Variants in CDK6 observed in about 807,000 individuals in gnomAD.
CDK6 encodes the protein cyclin-dependent kinase 6.
Under a neutral mutation model 37.1 loss-of-function variants are expected in CDK6, and 6 were observed. That is an observed-to-expected ratio of 0.16 (90% CI 0.09 to 0.32). The LOEUF is 0.32. CDK6 is among the 10% of genes least tolerant of loss of function. The pLI is 1.00. For missense variants in CDK6, 224 were observed against 418.9 expected (o/e 0.53, Z 4.06); for synonymous variants, 160 against 161.3 (o/e 0.99, Z 0.06).
At chr7:92,664,809 T>C (rs529258011) in intron 5 of CDK6, among the ~76,000 whole-genome samples, 1 of 151,312 alleles carries the variant, frequency 6.6e-6, no homozygotes, top group African/African-American at 2.4e-5. Flanking sequence ...TTTTTGAGAC[T>C]GAGTCTCACT....
At position 92,833,389 on chromosome 7, in the gene CDK6, G is replaced by A. The variant is rs1801545676; in HGVS notation, c.-66C>T. ...CGGGGGGTGCGCTCAACTAGCTGGCGGCCGCCGCTCGCCTACTCCGGGGCT... is the reference window on the plus strand; with the variant it reads ...CGGGGGGTGCGCTCAACTAGCTGGCAGCCGCCGCTCGCCTACTCCGGGGCT... On this transcript the variant is annotated 5_prime_UTR_variant, in exon 2 of 8. Transcript: ENST00000424848. The surrounding 1 kb of genome is among the most constrained non-coding windows in gnomAD (Gnocchi z 6.1). The A allele has an allele frequency of 1.7e-6, 2 of 1,168,278 alleles. No homozygotes were observed. The highest frequency in any genetic ancestry group is 2.4e-6 in the Non-Finnish European group (2 of 845,362). The allele number at this position is 1,168,278 out of a possible 1,614,324, so 72.4% of individuals were successfully genotyped here.
rs556048122 is a variant in CDK6, at chr7:92,763,362, C to T, written c.369+11334G>A. Reference sequence around the variant, plus strand: ...TAGGAATTCTGACCCATTACACTTGCAAGTCTGGTAATGGTTTACTAATTT... The same window carrying T: ...TAGGAATTCTGACCCATTACACTTGTAAGTCTGGTAATGGTTTACTAATTT... On this transcript the variant is annotated intron_variant, in intron 3 of 7. Transcript: ENST00000424848. Among the ~76,000 whole-genome samples, 7 of 152,282 alleles carry T rather than the reference C, an allele frequency of 4.6e-5. No homozygotes were observed. The South Asian group carries it at 1.5e-3, about 32-fold the overall frequency.
intron 3 of CDK6, among the ~76,000 whole-genome samples, chr7:92,748,373 T>A (rs926332205): frequency 6.6e-5 from 10 of 152,206 alleles, no homozygotes; most frequent in African/African-American, 2.4e-4. Flanking sequence ...AAAATCTAGC[T>A]GACATCACTT....
rs1351358575 is a variant in CDK6 at position 92,609,953 on chromosome 7, T to TTC, written c.*5186_*5187insGA. 999 of 230,092 alleles carry TTC rather than the reference T, an allele frequency of 4.3e-3. 10 individuals carry two copies. Among genetic ancestry groups the TTC allele is most frequent in the African/African-American group, 0.021 (951 of 45,316 alleles). 14.3% of individuals were successfully genotyped at this position (230,092 alleles called of 1,614,324 possible). On this transcript the variant is annotated 3_prime_UTR_variant, in exon 8 of 8. Transcript: ENST00000424848. ...AGTAAAATATTGAAGTTACAGAACA[T>TTC]TATAGAGACTATTAATCATCCCAAA...
intron 2 of CDK6, among the ~76,000 whole-genome samples, chr7:92,816,884 T>C (rs1801042817): frequency 6.6e-6 from 1 of 151,804 alleles, no homozygotes; most frequent in South Asian, 2.1e-4. Flanking sequence ...TCACTACATA[T>C]TCTACAGACA....
chr7:92,727,300 G>T (rs1010654290), intron 3 of CDK6, among the ~76,000 whole-genome samples: 1 of 152,166 alleles, frequency 6.6e-6, no homozygotes, highest in Admixed American at 6.5e-5. Flanking sequence ...CTTATCATTG[G>T]CCGGACCACT....
At chr7:92,708,647 T>C (rs1280356566) in intron 4 of CDK6, among the ~76,000 whole-genome samples, 2 of 152,166 alleles carry the variant, frequency 1.3e-5, no homozygotes, top group Non-Finnish European at 2.9e-5. Context: ...AAAAGAAATA[T>C]ATTTTTTAAA....
chr7:92,831,967 CTTATT>C (rs1466721546), intron 2 of CDK6, among the ~76,000 whole-genome samples: 4 of 152,142 alleles, frequency 2.6e-5, no homozygotes, highest in Non-Finnish European at 4.4e-5. Context: ...TTTAGCTGTG[CTTATT>C]TACATCATTT....
At position 92,786,447 on chromosome 7, in the gene CDK6, T is replaced by G. The variant is rs73232052; in HGVS notation, c.234-11616A>C. Among the ~76,000 whole-genome samples, 601 of 152,264 alleles carry G rather than the reference T, an allele frequency of 3.9e-3. 2 individuals are homozygous for G. The highest frequency in any genetic ancestry group is 8.9e-3 in the South Asian group (43 of 4,824). On this transcript the variant is annotated intron_variant, in intron 2 of 7. Coordinates refer to ENST00000424848, the MANE Select transcript of CDK6 (RefSeq NM_001145306.2). ...GAAGAAAATGTTAAACCTTAGTAAC[T>G]TAAAGCAACACAAATGAAAACCTCA...
At chr7:92,798,992 G>C (rs1489559353) in intron 2 of CDK6, among the ~76,000 whole-genome samples, 1 of 152,084 alleles carries the variant, frequency 6.6e-6, no homozygotes, top group Non-Finnish European at 1.5e-5. Context: ...CAATTCATCA[G>C]CTTTTATTCC....
intron 2 of CDK6, among the ~76,000 whole-genome samples, chr7:92,812,466 G>A (rs1800909967): frequency 3.3e-5 from 5 of 150,642 alleles, no homozygotes; most frequent in Admixed American, 3.3e-4. Flanking sequence ...CTCCCAGGTT[G>A]GGGTCAAGTG....
intron 5 of CDK6, among the ~76,000 whole-genome samples, chr7:92,665,304 C>A (rs1032130273): frequency 1.1e-4 from 16 of 151,498 alleles, no homozygotes; most frequent in African/African-American, 2.4e-5. Flanking sequence ...TCCATCCATC[C>A]ATCCAATCTC....
chr7:92,744,831 TGTAA>T (rs1230560467), intron 3 of CDK6, among the ~76,000 whole-genome samples: 3 of 152,190 alleles, frequency 2.0e-5, no homozygotes, highest in Non-Finnish European at 1.5e-5. Flanking sequence ...GTGGAAAGTT[TGTAA>T]GTAAGACAAA....
At position 92,834,720 on chromosome 7, in the gene CDK6, G is replaced by A. The variant is rs1280893336; in HGVS notation, c.-367-1030C>T. ...AAATCCTGCGCCTCCAGGGGTGAGAGAGAAGGTCTCTGTCCTCGGGGCCCG... is the reference window on the plus strand; with the variant it reads ...AAATCCTGCGCCTCCAGGGGTGAGAAAGAAGGTCTCTGTCCTCGGGGCCCG... On this transcript the variant is annotated intron_variant, in intron 1 of 7. Coordinates refer to ENST00000424848, the MANE Select transcript of CDK6 (RefSeq NM_001145306.2). This position sits in a 1 kb window ranked among gnomAD's most constrained non-coding sequence, Gnocchi z 4.6. Among the ~76,000 whole-genome samples the A allele has an allele frequency of 1.3e-5, 2 of 151,894 alleles. No homozygotes were observed. The highest frequency in any genetic ancestry group is 1.5e-5 in the Non-Finnish European group (1 of 67,952).
At chr7:92,743,765 T>C (rs1798990113) in intron 3 of CDK6, among the ~76,000 whole-genome samples, 1 of 152,200 alleles carries the variant, frequency 6.6e-6, no homozygotes, top group Non-Finnish European at 1.5e-5. Context: ...GGGAAACATT[T>C]TGGCAGAGAG....
Position 92,775,490 on chromosome 7 carries a change from C to A in CDK6, c.234-659G>T, listed in dbSNP as rs555650417. ...GGACCTGCATTGGTAAACTATATTG[C>A]CCTTAAATAATAAAGCAACAGATTA... On this transcript the variant is annotated intron_variant, in intron 2 of 7. Coordinates refer to ENST00000424848, the MANE Select transcript of CDK6 (RefSeq NM_001145306.2). Among the ~76,000 whole-genome samples the A allele has an allele frequency of 8.0e-4, 121 of 152,088 alleles. 1 individual carries two copies. The highest frequency in any genetic ancestry group is 3.4e-3 in the Middle Eastern group (1 of 294).
At chr7:92,686,893 T>C (rs1357892927) in intron 4 of CDK6, among the ~76,000 whole-genome samples, 1 of 152,168 alleles carries the variant, frequency 6.6e-6, no homozygotes, top group Non-Finnish European at 1.5e-5. Context: ...CATTTTTTCA[T>C]ATATTTGTTG....
At chr7:92,636,319 A>G (rs1027931842) in intron 5 of CDK6, among the ~76,000 whole-genome samples, 1 of 152,166 alleles carries the variant, frequency 6.6e-6, no homozygotes, top group Non-Finnish European at 1.5e-5. Context: ...TTAGCCTCGC[A>G]AAGTGCTGGG....
chr7:92,677,541 C>G (rs1331334210), intron 4 of CDK6, among the ~76,000 whole-genome samples: 1 of 152,104 alleles, frequency 6.6e-6, no homozygotes, highest in Non-Finnish European at 1.5e-5. Context: ...ATTGCTTGAA[C>G]CTGGGAGGTG....
Sources: gnomAD v4.1 joint callset for allele counts (sites outside exome capture counted in the v4.1 genomes callset) on GRCh38, gnomAD v4.1.1 for gene constraint, Gnocchi (gnomAD v3.1) non-coding constraint, MANE v1.5 for transcripts, NCBI Gene and HGNC (gene_info 2026-07-23, HGNC 2026-07-21) for gene names.